Variants in SCAPER observed in about 807,000 individuals in gnomAD.
SCAPER encodes the protein S phase cyclin A-associated protein in the endoplasmic reticulum.
SCAPER carries 98 observed loss-of-function variants against 182.2 expected under a neutral mutation model. The observed-to-expected ratio is 0.54, with a 90% confidence interval of 0.46 to 0.64. The LOEUF (loss-of-function observed/expected upper bound fraction) is 0.64, where lower values mean the gene tolerates loss of function less well. Ranked by LOEUF, SCAPER falls within the 30% of genes least tolerant of loss-of-function variation. The pLI, the probability that SCAPER is intolerant of heterozygous loss-of-function variation, is 0.00. For missense variants in SCAPER, 1,432 were observed against 1,690.0 expected (o/e 0.85, Z 2.68); for synonymous variants, 605 against 564.6 (o/e 1.07, Z -1.01).
chr15:76,589,317 G>A (rs1391568450), intron 22 of SCAPER, among the ~76,000 whole-genome samples: 1 of 152,084 alleles, frequency 6.6e-6, no homozygotes, highest in African/African-American at 2.4e-5. Flanking sequence ...CTACCAGGGT[G>A]GGTAGTGAAG....
intron 23 of SCAPER, among the ~76,000 whole-genome samples, chr15:76,542,777 T>A (rs1441901870): frequency 6.6e-6 from 1 of 152,048 alleles, no homozygotes. Context: ...GTGTTTTACT[T>A]GAAACATAAA....
intron 29 of SCAPER, among the ~76,000 whole-genome samples, chr15:76,355,897 G>C (rs1056453492): frequency 6.6e-6 from 1 of 152,204 alleles, no homozygotes; most frequent in African/African-American, 2.4e-5. Flanking sequence ...CTTGCCAGAA[G>C]CCATTACTTT....
At chr15:76,857,954 A>T in intron 3 of SCAPER, 75 bp from the exon 4 acceptor site, 1 of 1,049,836 alleles carries the variant, frequency 9.5e-7, no homozygotes, top group Non-Finnish European at 1.4e-6. Flanking sequence ...ACAGGTAATT[A>T]GATAATGTAA....
intron 25 of SCAPER, among the ~76,000 whole-genome samples, chr15:76,459,051 T>C (rs1222797746): frequency 1.3e-5 from 2 of 152,058 alleles, no homozygotes; most frequent in Non-Finnish European, 2.9e-5. Flanking sequence ...TGTGCCACCA[T>C]GCCTGGCAAA....
chr15:76,749,447 G>T (rs1233944694), intron 15 of SCAPER, among the ~76,000 whole-genome samples: 1 of 151,974 alleles, frequency 6.6e-6, no homozygotes, highest in African/African-American at 2.4e-5. Context: ...AAAGATGTCA[G>T]CTCTCTTCAC....
At chr15:76,392,405 C>T (rs539373117) in intron 27 of SCAPER, among the ~76,000 whole-genome samples, 21 of 152,186 alleles carry the variant, frequency 1.4e-4, no homozygotes, top group Non-Finnish European at 3.1e-4. Flanking sequence ...AGAAGTAACA[C>T]ATTCATTTTC....
intron 8 of SCAPER, 124 bp from the exon 9 acceptor site, chr15:76,775,241 G>C (rs1392143645): frequency 1.3e-6 from 1 of 792,442 alleles, no homozygotes; most frequent in Non-Finnish European, 1.9e-6. Flanking sequence ...ACAAACATGA[G>C]AGTATTATAC....
intron 9 of SCAPER, 146 bp from the exon 10 acceptor site, chr15:76,772,100 G>T (rs1306610638): frequency 9.3e-6 from 6 of 642,082 alleles, no homozygotes; most frequent in Non-Finnish European, 1.3e-5. Context: ...CATCTTTTTT[G>T]TATGTTTCAA....
intron 17 of SCAPER, among the ~76,000 whole-genome samples, chr15:76,708,121 T>C (rs773649184): frequency 2.2e-4 from 33 of 152,278 alleles, no homozygotes; most frequent in Non-Finnish European, 3.2e-4. Context: ...AAAAATGGCA[T>C]AGTATTTGCA....
intron 23 of SCAPER, among the ~76,000 whole-genome samples, chr15:76,513,687 C>T (rs1247744928): frequency 2.0e-5 from 3 of 152,110 alleles, no homozygotes; most frequent in Non-Finnish European, 2.9e-5. Context: ...TGGCTTAATA[C>T]CATAATAATA....
chr15:76,721,728 G>A (rs1336957716), intron 17 of SCAPER, among the ~76,000 whole-genome samples: 13 of 151,688 alleles, frequency 8.6e-5, no homozygotes, highest in Non-Finnish European at 1.9e-4. Context: ...CTCTCTGTTT[G>A]TCTGTTATTG....
intron 1 of SCAPER, among the ~76,000 whole-genome samples, chr15:76,889,128 G>A (rs768348807): frequency 3.7e-4 from 56 of 152,160 alleles, no homozygotes; most frequent in Admixed American, 1.6e-3. Flanking sequence ...AGCAAATGCT[G>A]AGTGATTTTG....
Position 76,883,873 on chromosome 15 carries a change from A to C in SCAPER, c.-56T>G. Reference sequence around the variant, plus strand: ...TTATCACATAAACCCATGGAGTATGACTCCTACAATAAAAAATATATATAC... The same window carrying C: ...TTATCACATAAACCCATGGAGTATGCCTCCTACAATAAAAAATATATATAC... On this transcript the variant is annotated 5_prime_UTR_variant, in exon 2 of 32. Transcript: ENST00000563290. 1.2e-5 allele frequency: 15 copies of C among 1,303,796 alleles called. No homozygotes were observed. Among genetic ancestry groups the C allele is most frequent in the Non-Finnish European group, 1.6e-5 (15 of 944,692 alleles). 80.8% of individuals were successfully genotyped at this position (1,303,796 alleles called of 1,614,324 possible). A position where few individuals can be genotyped will look rare whatever the true frequency, so the allele number is the denominator to read the frequency against.
chr15:76,503,947 G>C (rs1306676680), intron 24 of SCAPER, among the ~76,000 whole-genome samples: 1 of 151,618 alleles, frequency 6.6e-6, no homozygotes, highest in Non-Finnish European at 1.5e-5. Context: ...ATGTGGTGAT[G>C]CAATCATGGT....
intron 1 of SCAPER, among the ~76,000 whole-genome samples, chr15:76,900,342 T>TAAAAAAAAAAAAAAAAAAACA (rs56677318): frequency 1.7e-5 from 1 of 59,112 alleles, no homozygotes; most frequent in Non-Finnish European, 3.6e-5. Context: ...CAATAAATAC[T>TAAAAAAAAAAAAAAAAAAACA]AAAAAAAAAA....
rs762450731 is a variant in SCAPER at position 76,607,959 on chromosome 15, C to T, written c.2711+13805G>A. On this transcript the variant is annotated intron_variant, in intron 22 of 31. Transcript: ENST00000563290. ...GCTTTTAACTTCTTTGCCATTGGTT[C>T]GAATTTCCTCCTGTAGCTCAGAGTA... Among the ~76,000 whole-genome samples the T allele has an allele frequency of 2.6e-4, 40 of 152,032 alleles. 1 individual carries two copies. Among genetic ancestry groups the T allele is most frequent in the Admixed American group, 5.9e-4 (9 of 15,248 alleles).
intron 21 of SCAPER, among the ~76,000 whole-genome samples, chr15:76,628,690 T>C (rs1215810223): frequency 3.3e-5 from 5 of 152,208 alleles, no homozygotes; most frequent in African/African-American, 1.2e-4. Flanking sequence ...TAATATAGTT[T>C]GAAGTTGGGT....
chr15:76,871,656 T>A (rs1305267651), intron 2 of SCAPER, among the ~76,000 whole-genome samples: 2 of 146,512 alleles, frequency 1.4e-5, no homozygotes, highest in Non-Finnish European at 3.0e-5. Context: ...CACTGAAGCC[T>A]CTGCCTCCTG....
intron 23 of SCAPER, among the ~76,000 whole-genome samples, chr15:76,549,070 A>C (rs986310799): frequency 1.3e-5 from 2 of 152,210 alleles, no homozygotes; most frequent in African/African-American, 4.8e-5. Context: ...AATATCCAGA[A>C]TCTACAAAGA....
Sources: allele counts gnomAD v4.1 joint callset (sites outside exome capture counted in the v4.1 genomes callset), GRCh38; gene constraint gnomAD v4.1.1; transcripts MANE v1.5; gene names NCBI Gene and HGNC (gene_info 2026-07-23, HGNC 2026-07-21).